The following LMF1 variants were observed in gnomAD, a reference collection of about 807,000 sequenced individuals.
LMF1 encodes transmembrane protein 112.
In LMF1, 68 loss-of-function variants were observed where a neutral mutation model predicts 60.6. The observed-to-expected ratio is 1.12, with a 90% CI of 0.92 to 1.37. The LOEUF (loss-of-function observed/expected upper bound fraction) is 1.37, where lower values mean the gene tolerates loss of function less well. LMF1 is among the 40% of genes most tolerant of loss of function. The pLI is 0.00. For synonymous variants in LMF1, 418 were observed against 324.7 expected (o/e 1.29, Z -3.09); for missense variants, 948 against 767.2 (o/e 1.24, Z -2.78).
intron 2 of LMF1, among the ~76,000 whole-genome samples, chr16:938,070 T>A (rs5029142): frequency 0.48 from 70,207 of 147,596 alleles, 18,706 homozygotes; most frequent in African/African-American, 0.7. Flanking sequence ...GAGGGGCGCC[T>A]TTGGGTGAGA....
intron 2 of LMF1, among the ~76,000 whole-genome samples, chr16:941,218 C>A (rs1453090396): frequency 6.6e-6 from 1 of 151,710 alleles, no homozygotes. Flanking sequence ...ATACTTGATA[C>A]CTGATTTTTT....
In LMF1 at chr16:854,464, C is replaced by T. The variant is rs780339827; in HGVS notation, c.*68G>A. The T allele has an allele frequency of 1.1e-4, 165 of 1,468,714 alleles. No individual in the cohort carries two copies. The highest frequency in any genetic ancestry group is 1.4e-4 in the Non-Finnish European group (150 of 1,082,166). The allele number at this position is 1,468,714 out of a possible 1,614,324, so 91.0% of individuals were successfully genotyped here. A position where few individuals can be genotyped will look rare whatever the true frequency, so the allele number is the denominator to read the frequency against. ...TTGGCGATGCCCAGCTTGGGCTGGG[C>T]GCAGGGAAGGGCAAACGTTGCTGAG... is the stretch of plus-strand genomic sequence containing the variant. On this transcript the variant is annotated 3_prime_UTR_variant, in exon 11 of 11. Coordinates refer to ENST00000262301, the MANE Select transcript of LMF1 (RefSeq NM_022773.4).
intron 6 of LMF1, chr16:873,743 AGAG>A (rs2069882173): frequency 6.6e-6 from 1 of 152,316 alleles, no homozygotes; most frequent in Middle Eastern, 3.2e-3. Flanking sequence ...AGTGTCACAG[AGAG>A]GAGATGAGGG....
At chr16:859,288 GGT>G (rs1446380072) in intron 10 of LMF1, among the ~76,000 whole-genome samples, 1 of 93,486 alleles carries the variant, frequency 1.1e-5, no homozygotes, top group Non-Finnish European at 2.0e-5. Flanking sequence ...TCTCGGGACG[GGT>G]GTGAGTGGTG....
intron 10 of LMF1, chr16:856,095 G>A (rs1397023546): frequency 5.2e-6 from 2 of 383,138 alleles, no homozygotes; most frequent in Non-Finnish European, 1.0e-5. Flanking sequence ...AGAGGAGTGG[G>A]GTCGGGCCTT....
In LMF1 at chr16:879,597, G is replaced by T. The variant is rs756988851; in HGVS notation, c.870C>A (p.Ile290=). 1 of 1,613,188 alleles carries T rather than the reference G, an allele frequency of 6.2e-7. No individual in the cohort carries two copies. The highest frequency in any genetic ancestry group is 1.3e-5 in the African/African-American group (1 of 75,056). Residue 290 remains isoleucine (I), a synonymous_variant, in exon 6 of 11, where the codon ATC becomes ATA. Coordinates refer to ENST00000262301, the MANE Select transcript of LMF1 (RefSeq NM_022773.4). ...GGAACAGGATCTGCAGCACCCCGTG[G>T]ATGATGCACGCCCGCCGGCCGAGGA... ...FLFLGRRACI[I]HGVLQILFQA... is the part of the protein sequence containing the mutation.
chr16:870,009 G>A lies in LMF1; in HGVS notation c.1290C>T (p.Ser430=), dbSNP rs148734358. ...AGTCCTCCCACATGGCATCGGGGGC[G>A]CTGGCGTTGGAGCTGGCTGTGCCCT... is the stretch of plus-strand genomic sequence containing the variant. ...ILQGTASSNA[S]APDAMWEDYE... is the part of the protein sequence containing the mutation. Residue 430 remains serine, a synonymous_variant, in exon 9 of 11, where the codon AGC becomes AGT. Transcript: ENST00000262301. 8.5e-4 allele frequency: 1,371 copies of A among 1,612,816 alleles called. 4 individuals are homozygous for A. Among genetic ancestry groups the A allele is most frequent in the East Asian group, 5.7e-3 (257 of 44,884 alleles).
intron 3 of LMF1, among the ~76,000 whole-genome samples, chr16:920,867 G>A (rs541780311): frequency 2.6e-4 from 40 of 152,280 alleles, no homozygotes; most frequent in African/African-American, 8.9e-4. Flanking sequence ...AGCCAGGCGC[G>A]GATCCTTCCC....
chr16:935,321 C>G (rs75941141), intron 2 of LMF1, among the ~76,000 whole-genome samples: 1 of 152,048 alleles, frequency 6.6e-6, no homozygotes, highest in Admixed American at 6.6e-5. Context: ...TCTCAAACTC[C>G]TAGACTCAGG....
chr16:969,338 A>C (rs1321380125), intron 1 of LMF1, among the ~76,000 whole-genome samples: 1 of 152,080 alleles, frequency 6.6e-6, no homozygotes, highest in Non-Finnish European at 1.5e-5. Flanking sequence ...AAATAAAATA[A>C]AATAGTTGCT....
intron 6 of LMF1, among the ~76,000 whole-genome samples, chr16:879,104 G>A (rs771682001): frequency 1.1e-4 from 17 of 152,150 alleles, no homozygotes; most frequent in Admixed American, 1.3e-4. Context: ...GGGGTTCCGG[G>A]GGCTGGGGGA....
intron 10 of LMF1, among the ~76,000 whole-genome samples, chr16:861,456 C>G (rs995604856): frequency 6.7e-6 from 1 of 148,264 alleles, no homozygotes; most frequent in Non-Finnish European, 1.5e-5. Flanking sequence ...CTCCCCGGTA[C>G]AAGCAATTCT....
At chr16:875,281 G>A (rs1372599854) in intron 6 of LMF1, among the ~76,000 whole-genome samples, 1 of 152,028 alleles carries the variant, frequency 6.6e-6, no homozygotes, top group Admixed American at 6.5e-5. Flanking sequence ...TCCAAAACGG[G>A]GCCAGCACCG....
chr16:923,604 A>G (rs12447248), intron 3 of LMF1, among the ~76,000 whole-genome samples: 18,521 of 152,110 alleles, frequency 0.12, 1,275 homozygotes, highest in Non-Finnish European at 0.16. Context: ...CCTCCCTAAG[A>G]GCACTGCTTT....
At chr16:919,118 C>T (rs1458674847) in intron 3 of LMF1, among the ~76,000 whole-genome samples, 1 of 152,100 alleles carries the variant, frequency 6.6e-6, no homozygotes, top group Non-Finnish European at 1.5e-5. Flanking sequence ...GTTCCCCTCA[C>T]CACACAGTCT....
intron 3 of LMF1, among the ~76,000 whole-genome samples, chr16:914,570 T>TCC (rs2071220724): frequency 5.5e-4 from 1 of 1,808 alleles, no homozygotes; most frequent in African/African-American, 1.9e-3. Context: ...ACACACTCCC[T>TCC]CTTTCCCTCC....
At chr16:953,235 A>G (rs112726694) in intron 2 of LMF1, among the ~76,000 whole-genome samples, 30 of 63,966 alleles carry the variant, frequency 4.7e-4, no homozygotes, top group South Asian at 1.4e-3. Flanking sequence ...CCAGCCTCCT[A>G]CATGTCCACA....
At chr16:976,813 C>T (rs1478188311) in intron 1 of LMF1, 1 of 454,034 alleles carries the variant, frequency 2.2e-6, no homozygotes, top group African/African-American at 2.0e-5. Context: ...GGTCTCCACG[C>T]TTTGGGCATC....
Position 854,646 on chromosome 16 carries a change from G to C in LMF1, c.1590C>G (p.Ala530=). Reference sequence around the variant, plus strand: ...TCTTCCGCACCCACCACTTGCCCTCGGCGGCGTGCCTGCCCCCAGGACGGC... The same window carrying C: ...TCTTCCGCACCCACCACTTGCCCTCCGCGGCGTGCCTGCCCCCAGGACGGC... ...KFSRPGGRHA[A]EGKWWVRKRI... The change falls in exon 11 of 11, where the codon GCC becomes GCG. Residue 530 remains alanine, a synonymous_variant. Coordinates refer to ENST00000262301, the MANE Select transcript of LMF1 (RefSeq NM_022773.4). 1 of 1,606,172 alleles carries C rather than the reference G, an allele frequency of 6.2e-7. No individual in the cohort carries two copies. Among genetic ancestry groups the C allele is most frequent in the Non-Finnish European group, 8.5e-7 (1 of 1,178,330 alleles).
Sources: allele counts gnomAD v4.1 joint callset (sites outside exome capture counted in the v4.1 genomes callset), GRCh38; gene constraint gnomAD v4.1.1; transcripts MANE v1.5; gene names NCBI Gene and HGNC (gene_info 2026-07-23, HGNC 2026-07-21).